WWOX: variants seen among roughly 807,000 people sequenced by gnomAD.
WWOX encodes the protein WW domain containing oxidoreductase, also known as WW domain-containing oxidoreductase.
In WWOX, 69 loss-of-function variants were observed where a neutral mutation model predicts 46.2. The observed-to-expected ratio is 1.49, with a 90% confidence interval of 1.23 to 1.82. The LOEUF (loss-of-function observed/expected upper bound fraction) is 1.82. Ranked by LOEUF, WWOX falls within the 40% of genes most tolerant of loss-of-function variation. WWOX has a pLI of 0.00. For missense variants in WWOX, 919 were observed against 542.6 expected (o/e 1.69, Z -6.89); for synonymous variants, 359 against 202.6 (o/e 1.77, Z -6.56).
At chr16:78,501,261 A>C (rs1220715688) in intron 8 of WWOX, among the ~76,000 whole-genome samples, 1 of 149,386 alleles carries the variant, frequency 6.7e-6, no homozygotes, top group Non-Finnish European at 1.5e-5. Context: ...AATAAAAAAA[A>C]AATAAATAAA....
chr16:78,714,726 G>A (rs774674889), intron 8 of WWOX, among the ~76,000 whole-genome samples: 7 of 152,102 alleles, frequency 4.6e-5, no homozygotes, highest in Non-Finnish European at 8.8e-5. Context: ...GAACTTGGGC[G>A]GAATAAATGA....
chr16:78,318,857 A>G (rs2080408313), intron 5 of WWOX, among the ~76,000 whole-genome samples: 1 of 152,216 alleles, frequency 6.6e-6, no homozygotes, highest in Non-Finnish European at 1.5e-5. Context: ...CCAAACCAGG[A>G]AACATGCCTG....
chr16:79,154,396 C>G (rs1031259019), intron 8 of WWOX, among the ~76,000 whole-genome samples: 1 of 151,868 alleles, frequency 6.6e-6, no homozygotes, highest in African/African-American at 2.4e-5. Flanking sequence ...CCTCTTCTTT[C>G]ACTCTCATCC....
intron 6 of WWOX, among the ~76,000 whole-genome samples, chr16:78,397,675 C>T (rs1355293865): frequency 1.3e-5 from 2 of 152,184 alleles, no homozygotes; most frequent in Non-Finnish European, 2.9e-5. Flanking sequence ...ACAGCCACTG[C>T]CTAGTGGGAC....
intron 6 of WWOX, among the ~76,000 whole-genome samples, chr16:78,412,863 AAG>A (rs1359730813): frequency 4.6e-5 from 7 of 152,204 alleles, no homozygotes; most frequent in Admixed American, 1.3e-4. Flanking sequence ...CATAAATGGG[AAG>A]AGAGAGACGA....
intron 8 of WWOX, among the ~76,000 whole-genome samples, chr16:78,538,013 GA>G (rs375913743): frequency 4.3e-4 from 66 of 152,174 alleles, no homozygotes; most frequent in African/African-American, 1.5e-3. Flanking sequence ...CGGAAAAGAT[GA>G]GGGTTGAATT....
At chr16:78,816,128 G>A (rs1024950101) in intron 8 of WWOX, among the ~76,000 whole-genome samples, 2 of 152,106 alleles carry the variant, frequency 1.3e-5, no homozygotes, top group Non-Finnish European at 2.9e-5. Context: ...CAAAATGAAG[G>A]CAGAATCCAG....
chr16:78,783,738 A>G (rs1381469055), intron 8 of WWOX, among the ~76,000 whole-genome samples: 1 of 151,986 alleles, frequency 6.6e-6, no homozygotes, highest in Non-Finnish European at 1.5e-5. Context: ...GATGTTGATG[A>G]TGATGGTGAT....
intron 6 of WWOX, among the ~76,000 whole-genome samples, chr16:78,407,949 G>C (rs772113144): frequency 6.6e-6 from 1 of 152,150 alleles, no homozygotes; most frequent in Non-Finnish European, 1.5e-5. Context: ...TGTAGGAATG[G>C]ACATATCCCA....
intron 8 of WWOX, among the ~76,000 whole-genome samples, chr16:78,803,661 G>C (rs1273120014): frequency 6.6e-6 from 1 of 151,960 alleles, no homozygotes; most frequent in Non-Finnish European, 1.5e-5. Context: ...GTCTCCCTAT[G>C]TTGCCCAGGT....
At chr16:78,299,996 A>G (rs1032334904) in intron 5 of WWOX, among the ~76,000 whole-genome samples, 2 of 152,188 alleles carry the variant, frequency 1.3e-5, no homozygotes, top group African/African-American at 4.8e-5. Flanking sequence ...GTGTTGGTTC[A>G]TCTGTAACAG....
intron 5 of WWOX, among the ~76,000 whole-genome samples, chr16:78,247,569 G>A (rs980163221): frequency 1.3e-5 from 2 of 152,048 alleles, no homozygotes; most frequent in Admixed American, 1.3e-4. Flanking sequence ...TATTTCCTTC[G>A]GATCTGTTGC....
intron 8 of WWOX, among the ~76,000 whole-genome samples, chr16:79,166,329 G>C (rs896260173): frequency 1.3e-5 from 2 of 152,248 alleles, no homozygotes; most frequent in South Asian, 4.1e-4. Flanking sequence ...ACAGGAGGAT[G>C]GAATTACATT....
At position 79,144,438 on chromosome 16, in the gene WWOX, G is replaced by C. The variant is rs533846595; in HGVS notation, c.1057-67170G>C. On this transcript the variant is annotated intron_variant, in intron 8 of 8. Transcript: ENST00000566780. ...CTTATCTCCTTGTACAGAGAGAACT[G>C]GAACATTCTGAAGATGAAATGGGAT... Among the ~76,000 whole-genome samples the C allele has an allele frequency of 1.2e-4, 18 of 152,304 alleles. No individual in the cohort carries two copies. In the East Asian group the frequency reaches 3.3e-3, roughly 28 times the overall value.
chr16:78,917,639 G>C (rs1401602424), intron 8 of WWOX, among the ~76,000 whole-genome samples: 1 of 151,970 alleles, frequency 6.6e-6, no homozygotes, highest in Non-Finnish European at 1.5e-5. Flanking sequence ...CCCACTCATT[G>C]CCCTTATAAC....
intron 8 of WWOX, among the ~76,000 whole-genome samples, chr16:79,059,438 G>C (rs1432779643): frequency 6.6e-6 from 1 of 152,194 alleles, no homozygotes; most frequent in African/African-American, 2.4e-5. Context: ...ATATAAAGTA[G>C]AAACTCAACA....
intron 8 of WWOX, among the ~76,000 whole-genome samples, chr16:78,672,190 G>C (rs1414565137): frequency 6.6e-6 from 1 of 152,104 alleles, no homozygotes; most frequent in Non-Finnish European, 1.5e-5. Context: ...ATGACCAGAA[G>C]ACAAACCCAA....
Position 78,706,478 on chromosome 16 carries a change from C to G in WWOX, c.1056+273726C>G, listed in dbSNP as rs2048330549. On this transcript the variant is annotated intron_variant, in intron 8 of 8. Transcript: ENST00000566780. Reference sequence around the variant, plus strand: ...CTCCATCTCTGTTGCTTTCCTGGGGCTCTTCCTCTCCTCTTTTTGAAGCTT... The same window carrying G: ...CTCCATCTCTGTTGCTTTCCTGGGGGTCTTCCTCTCCTCTTTTTGAAGCTT... Among the ~76,000 whole-genome samples, 3 of 152,190 alleles carry G rather than the reference C, an allele frequency of 2.0e-5. No homozygotes were observed. The South Asian group carries it at 6.2e-4, about 32-fold the overall frequency.
At chr16:78,882,107 C>G (rs1047138224) in intron 8 of WWOX, among the ~76,000 whole-genome samples, 2 of 152,144 alleles carry the variant, frequency 1.3e-5, no homozygotes, top group Middle Eastern at 3.2e-3. Flanking sequence ...GCCTGGGTGA[C>G]AGAGCAAGAG....
Sources: allele counts gnomAD v4.1 joint callset (sites outside exome capture counted in the v4.1 genomes callset), GRCh38; gene constraint gnomAD v4.1.1; transcripts MANE v1.5; gene names NCBI Gene and HGNC (gene_info 2026-07-23, HGNC 2026-07-21).